The following EPHA6 variants were observed in gnomAD, a reference collection of about 807,000 sequenced individuals.
EPHA6 encodes the protein EPH receptor A6, also known as ephrin type-A receptor 6.
EPHA6 carries 50 observed loss-of-function variants against 112.0 expected under a neutral mutation model. The observed-to-expected ratio is 0.45, with a 90% confidence interval of 0.36 to 0.56. EPHA6 has a LOEUF of 0.56. Among genes scored for constraint, EPHA6 ranks in the 20% least tolerant of loss-of-function variants. The probability of loss-of-function intolerance (pLI) is 0.00; values close to 1 mark genes in which losing one functional copy is unlikely to be tolerated. For missense variants in EPHA6, 1,280 were observed against 1,417.4 expected, an observed-to-expected ratio of 0.90 and a Z score of 1.56; for synonymous variants, 529 against 490.7, an observed-to-expected ratio of 1.08 and a Z score of -1.03.
chr3:97,307,092 T>C (rs1313534861), intron 5 of EPHA6, among the ~76,000 whole-genome samples: 1 of 151,876 alleles, frequency 6.6e-6, no homozygotes, highest in African/African-American at 2.4e-5. Context: ...TAATTAACTC[T>C]TTCTCTGCAT....
chr3:97,458,067 C>CAAAA lies in EPHA6; in HGVS notation c.1894+9360_1894+9363dup, dbSNP rs68128372. On this transcript the variant is annotated intron_variant, in intron 7 of 17. Transcript: ENST00000389672. ...TGGGCGACAGTGCGAGACTCCGTCT[C>CAAAA]AAAAAAAAAAAAAAAAAAAAAAAAA... Among the ~76,000 whole-genome samples, 109 of 50,574 alleles carry CAAAA rather than the reference C, an allele frequency of 2.2e-3. 19 individuals are homozygous for CAAAA. The highest frequency in any genetic ancestry group is 9.0e-3 in the African/African-American group (100 of 11,128). 33.2% of individuals were successfully genotyped at this position (50,574 alleles called of 152,430 possible). A position where few individuals can be genotyped will look rare whatever the true frequency, so the allele number is the denominator to read the frequency against.
chr3:97,446,719 C>T (rs2090357573), intron 6 of EPHA6, among the ~76,000 whole-genome samples: 1 of 152,128 alleles, frequency 6.6e-6, no homozygotes, highest in Admixed American at 6.6e-5. Context: ...TCCAAATGTT[C>T]TAGAAATTCC....
chr3:97,624,159 C>T (rs2107512441), intron 13 of EPHA6, among the ~76,000 whole-genome samples: 1 of 151,786 alleles, frequency 6.6e-6, no homozygotes, highest in Admixed American at 6.6e-5. Context: ...GTATGATGTT[C>T]ACTGTGGGTT....
intron 3 of EPHA6, among the ~76,000 whole-genome samples, chr3:97,141,474 C>CA (rs146762611): frequency 0.013 from 1,960 of 152,076 alleles, 46 homozygotes; most frequent in African/African-American, 0.043. Context: ...AAAATAATAT[C>CA]AAGTATCTTA....
intron 12 of EPHA6, among the ~76,000 whole-genome samples, chr3:97,601,201 A>C (rs1421546314): frequency 6.6e-6 from 1 of 152,184 alleles, no homozygotes; most frequent in East Asian, 1.9e-4. Flanking sequence ...AGCACTTTCA[A>C]AAGATGCATT....
chr3:97,464,803 G>T (rs1294146332), intron 7 of EPHA6, among the ~76,000 whole-genome samples: 1 of 152,104 alleles, frequency 6.6e-6, no homozygotes, highest in Non-Finnish European at 1.5e-5. Flanking sequence ...GAAAAAATAT[G>T]CATGTACAAA....
At chr3:96,936,335 T>C (rs778075125) in intron 2 of EPHA6, among the ~76,000 whole-genome samples, 1 of 152,058 alleles carries the variant, frequency 6.6e-6, no homozygotes, top group Non-Finnish European at 1.5e-5. Context: ...AATGTAATGG[T>C]TTTAAAGCAT....
intron 5 of EPHA6, among the ~76,000 whole-genome samples, chr3:97,399,442 G>A (rs1355907687): frequency 2.6e-5 from 4 of 151,262 alleles, no homozygotes; most frequent in African/African-American, 4.8e-5. Context: ...ATTTCCTCTC[G>A]ATATATACCC....
chr3:97,431,948 A>G (rs920726740), intron 6 of EPHA6, among the ~76,000 whole-genome samples: 1 of 152,050 alleles, frequency 6.6e-6, no homozygotes, highest in Non-Finnish European at 1.5e-5. Context: ...ACTATTTTTT[A>G]CTCTTGAATG....
intron 3 of EPHA6, among the ~76,000 whole-genome samples, chr3:97,220,805 G>T (rs1030893706): frequency 2.0e-5 from 3 of 152,058 alleles, no homozygotes; most frequent in Non-Finnish European, 4.4e-5. Flanking sequence ...CAGTGGTCTG[G>T]TTTTGCAAAA....
intron 6 of EPHA6, among the ~76,000 whole-genome samples, chr3:97,425,576 G>T (rs1014012755): frequency 3.9e-5 from 6 of 152,138 alleles, no homozygotes; most frequent in Non-Finnish European, 8.8e-5. Flanking sequence ...TTTCTCCTAG[G>T]CCTCTGGGCC....
chr3:96,853,425 A>C (rs896154902), intron 1 of EPHA6, among the ~76,000 whole-genome samples: 1 of 151,904 alleles, frequency 6.6e-6, no homozygotes, highest in Non-Finnish European at 1.5e-5. Context: ...TTTAAATGCC[A>C]TTTGATGTTT....
At chr3:97,073,035 G>T (rs1346851076) in intron 3 of EPHA6, among the ~76,000 whole-genome samples, 1 of 152,146 alleles carries the variant, frequency 6.6e-6, no homozygotes, top group Non-Finnish European at 1.5e-5. Context: ...GCACAGCACA[G>T]CAAAGTGCCC....
chr3:97,226,438 G>T lies in EPHA6; in HGVS notation c.1270+19G>T. The T allele has an allele frequency of 1.3e-6, 2 of 1,576,742 alleles. No individual in the cohort carries two copies. Among genetic ancestry groups the T allele is most frequent in the Non-Finnish European group, 1.7e-6 (2 of 1,164,510 alleles). On this transcript the variant is annotated intron_variant, in intron 4 of 17. Coordinates refer to ENST00000389672, the MANE Select transcript of EPHA6 (RefSeq NM_001080448.3). ...TGTACCAGTAAGTCTATACATTTTG[G>T]ATTTGGAAATTCTGTTTCCAACCCT...
At chr3:97,378,326 A>C (rs1322225183) in intron 5 of EPHA6, among the ~76,000 whole-genome samples, 1 of 152,164 alleles carries the variant, frequency 6.6e-6, no homozygotes, top group Admixed American at 6.5e-5. Flanking sequence ...AGATTTAAGA[A>C]AATATATGGA....
chr3:97,169,021 GT>G (rs2076618227), intron 3 of EPHA6, among the ~76,000 whole-genome samples: 1 of 152,152 alleles, frequency 6.6e-6, no homozygotes, highest in Non-Finnish European at 1.5e-5. Context: ...TACTTGTAGA[GT>G]GGCATCTTAC....
intron 11 of EPHA6, among the ~76,000 whole-genome samples, chr3:97,543,702 C>A (rs1364119206): frequency 6.6e-6 from 1 of 151,886 alleles, no homozygotes; most frequent in East Asian, 1.9e-4. Flanking sequence ...GCCATTTTCA[C>A]GATATTGATT....
intron 3 of EPHA6, among the ~76,000 whole-genome samples, chr3:97,134,827 A>C (rs958406536): frequency 6.6e-6 from 1 of 152,282 alleles, no homozygotes; most frequent in East Asian, 1.9e-4. Context: ...GGCCCTTAGA[A>C]GAATAGATGC....
At chr3:97,680,521 T>C (rs890290602) in intron 14 of EPHA6, among the ~76,000 whole-genome samples, 6 of 152,234 alleles carry the variant, frequency 3.9e-5, no homozygotes, top group Admixed American at 3.9e-4. Context: ...ACTAAATGAA[T>C]GAATCACTCA....
Sources: gnomAD v4.1 joint callset for allele counts (sites outside exome capture counted in the v4.1 genomes callset) on GRCh38, gnomAD v4.1.1 for gene constraint, MANE v1.5 for transcripts, NCBI Gene and HGNC (gene_info 2026-07-23, HGNC 2026-07-21) for gene names.